Variants in FRMPD4 observed in about 807,000 individuals in gnomAD.
The protein encoded by FRMPD4 is FERM and PDZ domain-containing protein 4.
FRMPD4 carries 22 observed loss-of-function variants against 94.1 expected under a neutral mutation model. The observed-to-expected ratio is 0.23, with a 90% confidence interval of 0.17 to 0.33. FRMPD4 has a LOEUF of 0.33. Ranked by LOEUF, FRMPD4 falls within the 10% of genes least tolerant of loss-of-function variation. The pLI, the probability that FRMPD4 is intolerant of heterozygous loss-of-function variation, is 1.00. For synonymous variants in FRMPD4, 631 were observed against 548.6 expected (o/e 1.15, Z -2.10); for missense variants, 1,111 against 1,339.9 (o/e 0.83, Z 2.67).
At chrX:12,533,652 TTA>T (rs2058308602) in intron 2 of FRMPD4, among the ~76,000 whole-genome samples, 1 of 111,933 alleles carries the variant, frequency 8.9e-6, no homozygotes, top group South Asian at 3.7e-4. Context: ...GTGACTCTTG[TTA>T]TGTTTTAGCA....
chrX:12,542,827 G>A (rs1374839557), intron 2 of FRMPD4, among the ~76,000 whole-genome samples: 1 of 111,829 alleles, frequency 8.9e-6, no homozygotes, highest in Non-Finnish European at 1.9e-5. Context: ...CACGCTACCT[G>A]ACTTCAAACT....
intron 3 of FRMPD4, among the ~76,000 whole-genome samples, chrX:12,131,176 C>T (rs1472439465): frequency 4.5e-5 from 5 of 111,819 alleles, no homozygotes; most frequent in African/African-American, 1.6e-4. Flanking sequence ...CAGGGGAAGG[C>T]CCATATAGCA....
intron 3 of FRMPD4, among the ~76,000 whole-genome samples, chrX:12,072,914 A>G (rs2054981585): frequency 9.3e-6 from 1 of 107,965 alleles, no homozygotes; most frequent in Non-Finnish European, 1.9e-5. Flanking sequence ...CCTACCTTCT[A>G]TTATTTATAT....
At chrX:11,920,333 A>G (rs1286344267) in intron 3 of FRMPD4, among the ~76,000 whole-genome samples, 1 of 112,248 alleles carries the variant, frequency 8.9e-6, no homozygotes, top group Admixed American at 9.4e-5. Flanking sequence ...GCCCTATTAA[A>G]TAAATGCAGT....
At chrX:12,276,290 A>G (rs987122393) in intron 1 of FRMPD4, among the ~76,000 whole-genome samples, 16 of 112,397 alleles carry the variant, frequency 1.4e-4, no homozygotes, top group Non-Finnish European at 1.9e-4. Context: ...GGACGATGAC[A>G]CAGTCCTCAG....
intron 2 of FRMPD4, among the ~76,000 whole-genome samples, chrX:12,526,738 G>A (rs1477252002): frequency 8.9e-6 from 1 of 112,326 alleles, no homozygotes; most frequent in Admixed American, 9.4e-5. Flanking sequence ...ATAGCTAACA[G>A]GTGACAACAA....
At chrX:11,942,162 T>C (rs1296538496) in intron 3 of FRMPD4, among the ~76,000 whole-genome samples, 3 of 111,328 alleles carry the variant, frequency 2.7e-5, no homozygotes, top group Non-Finnish European at 5.7e-5. Context: ...ATTTTTATGG[T>C]AAATTTGTTT....
Position 12,139,447 on chromosome X carries a change from C to T in FRMPD4, c.41+435C>T, listed in dbSNP as rs111550697. ...CCCCAACTCCTAAATTACACCTCCA[C>T]ACCTCCACAAAGTCAGCTCCTAGAT... On this transcript the variant is annotated intron_variant, in intron 1 of 16. Transcript: ENST00000675598. 8.2e-3 allele frequency among the ~76,000 whole-genome samples: 903 copies of T among 110,006 alleles called. 10 individuals are homozygous for T. The highest frequency in any genetic ancestry group is 0.028 in the African/African-American group (851 of 30,095).
Position 12,466,200 on chromosome X carries a change from T to C in FRMPD4, c.42-32480T>C, listed in dbSNP as rs188185038. 5.3e-5 allele frequency among the ~76,000 whole-genome samples: 6 copies of C among 112,296 alleles called. No individual in the cohort carries two copies. The Admixed American group carries it at 5.7e-4, about 11-fold the overall frequency. ...AGTAATTTTGGATTTATCAGTATAA[T>C]CTCATTAATGCAGATGGAGCATTAG... is the stretch of plus-strand genomic sequence containing the variant. On this transcript the variant is annotated intron_variant, in intron 1 of 16. Transcript: ENST00000675598.
intron 1 of FRMPD4, among the ~76,000 whole-genome samples, chrX:12,194,700 G>A (rs1374788565): frequency 8.9e-6 from 1 of 111,985 alleles, no homozygotes; most frequent in Non-Finnish European, 1.9e-5. Flanking sequence ...TTTAGAATCT[G>A]CAAAGCAAAA....
chrX:12,012,303 G>T (rs1266202745), intron 3 of FRMPD4, among the ~76,000 whole-genome samples: 1 of 111,733 alleles, frequency 8.9e-6, no homozygotes, highest in Non-Finnish European at 1.9e-5. Flanking sequence ...CTTTTTTTCT[G>T]ATCTTAGGTG....
At chrX:12,315,887 G>A (rs2055106784) in intron 1 of FRMPD4, among the ~76,000 whole-genome samples, 1 of 111,575 alleles carries the variant, frequency 9.0e-6, no homozygotes, top group African/African-American at 3.3e-5. Flanking sequence ...ACAGGGGGTA[G>A]GGGTTATGGA....
Position 12,718,088 on chromosome X carries a change from A to G in FRMPD4, c.3262A>G (p.Lys1088Glu), listed in dbSNP as rs1304630452. Residue 1088 changes from lysine to glutamate, a missense_variant, in exon 16 of 17, where the codon AAG becomes GAG. Around this residue, in one of 8 missense-constraint regions of FRMPD4, gnomAD observed 551 missense variants for 591.6 expected, o/e 0.93. Transcript: ENST00000675598. ...TAATCTGGAGAGAACTGCCTTTCGC[A>G]AGGACAGTCAAAGATGGTATGTGGC... Reference protein sequence around the residue: ...TFNLERTAFRKDSQRWYVATE... With the variant: ...TFNLERTAFREDSQRWYVATE... 5.0e-6 allele frequency: 6 copies of G among 1,211,010 alleles called. No individual in the cohort carries two copies. The highest frequency in any genetic ancestry group is 4.3e-5 in the Admixed American group (2 of 46,099).
intron 3 of FRMPD4, among the ~76,000 whole-genome samples, chrX:12,087,196 T>C (rs1344998408): frequency 9.0e-6 from 1 of 111,331 alleles, no homozygotes; most frequent in African/African-American, 3.3e-5. Context: ...TGTAACTCAC[T>C]GGGGTGACCT....
At chrX:12,609,101 G>A (rs370339293) in intron 2 of FRMPD4, among the ~76,000 whole-genome samples, 14 of 112,344 alleles carry the variant, frequency 1.2e-4, no homozygotes, top group African/African-American at 4.2e-4. Context: ...ATGTTATTAA[G>A]AAAGTCATAG....
chrX:12,357,621 C>T (rs1373862220), intron 1 of FRMPD4, among the ~76,000 whole-genome samples: 1 of 111,917 alleles, frequency 8.9e-6, no homozygotes, highest in Non-Finnish European at 1.9e-5. Flanking sequence ...GCAATTTACT[C>T]AGGTCTTTCT....
intron 2 of FRMPD4, among the ~76,000 whole-genome samples, chrX:12,500,156 A>G (rs1005577273): frequency 6.3e-5 from 7 of 111,539 alleles, no homozygotes; most frequent in Admixed American, 9.5e-5. Context: ...TGAAATCAGG[A>G]AGTGTGGTTG....
intron 1 of FRMPD4, among the ~76,000 whole-genome samples, chrX:12,235,700 G>A (rs1398265157): frequency 8.9e-6 from 1 of 112,135 alleles, no homozygotes; most frequent in African/African-American, 3.2e-5. Context: ...TTTTTATGCA[G>A]TATCGTACCT....
At chrX:11,843,793 C>T (rs1391023694) in intron 1 of FRMPD4, among the ~76,000 whole-genome samples, 1 of 110,124 alleles carries the variant, frequency 9.1e-6, no homozygotes, top group Non-Finnish European at 1.9e-5. Context: ...TCAGGTAATT[C>T]TTCTGCCTTG....
Sources: allele counts gnomAD v4.1 joint callset (sites outside exome capture counted in the v4.1 genomes callset), GRCh38; gene constraint gnomAD v4.1.1; regional missense constraint gnomAD v4.1.1; transcripts MANE v1.5; gene names NCBI Gene and HGNC (gene_info 2026-07-23, HGNC 2026-07-21).